NCOA2: variants seen among roughly 807,000 people sequenced by gnomAD.
NCOA2 encodes class E basic helix-loop-helix protein 75.
NCOA2 carries 21 observed loss-of-function variants against 145.1 expected under a neutral mutation model. That is an observed-to-expected ratio of 0.14 (90% CI 0.10 to 0.21). The LOEUF (loss-of-function observed/expected upper bound fraction) is 0.21, where lower values mean the gene tolerates loss of function less well. Ranked by LOEUF, NCOA2 falls within the 10% of genes least tolerant of loss-of-function variation. NCOA2 has a pLI of 1.00. For missense variants in NCOA2, 1,472 were observed against 1,837.6 expected, an observed-to-expected ratio of 0.80 and a Z score of 3.64; for synonymous variants, 619 against 637.5, an observed-to-expected ratio of 0.97 and a Z score of 0.44.
chr8:70,402,625 C>T (rs1283119428), intron 1 of NCOA2: 3 of 151,928 alleles, frequency 2.0e-5, no homozygotes, highest in Non-Finnish European at 4.4e-5. Context: ...GCCGGGTCCC[C>T]GTGCCCGGGG....
intron 1 of NCOA2, among the ~76,000 whole-genome samples, chr8:70,338,854 G>A (rs980602411): frequency 6.6e-6 from 1 of 151,960 alleles, no homozygotes; most frequent in Non-Finnish European, 1.5e-5. Context: ...AAAAACACAT[G>A]ATTATCTCAA....
chr8:70,341,907 T>A (rs1259289625), intron 1 of NCOA2, among the ~76,000 whole-genome samples: 2 of 152,226 alleles, frequency 1.3e-5, no homozygotes, highest in Non-Finnish European at 2.9e-5. Context: ...AAATGCCATA[T>A]TCCATACAAA....
At chr8:70,160,169 C>T (rs1470105215) in intron 9 of NCOA2, among the ~76,000 whole-genome samples, 3 of 152,122 alleles carry the variant, frequency 2.0e-5, no homozygotes, top group Non-Finnish European at 4.4e-5. Flanking sequence ...ACACTACTCT[C>T]CCCCAGTCCT....
intron 11 of NCOA2, among the ~76,000 whole-genome samples, 183 bp downstream of exon 11, chr8:70,155,788 A>T (rs1376022148): frequency 1.3e-5 from 2 of 152,212 alleles, no homozygotes; most frequent in Non-Finnish European, 2.9e-5. Flanking sequence ...TATGTTCTAT[A>T]ACAATGTCAC....
intron 1 of NCOA2, among the ~76,000 whole-genome samples, chr8:70,317,337 A>G (rs1805672837): frequency 6.6e-6 from 1 of 152,164 alleles, no homozygotes; most frequent in Non-Finnish European, 1.5e-5. Flanking sequence ...GACATGAAAA[A>G]ATAAGACTGT....
chr8:70,212,668 A>T (rs991473800), intron 4 of NCOA2, among the ~76,000 whole-genome samples: 24 of 152,246 alleles, frequency 1.6e-4, no homozygotes, highest in African/African-American at 4.3e-4. Context: ...AGATAAGAGC[A>T]GACAGTTTCA....
chr8:70,133,071 G>GGTGT (rs148660851), intron 15 of NCOA2, among the ~76,000 whole-genome samples: 5,634 of 148,774 alleles, frequency 0.038, 165 homozygotes, highest in South Asian at 0.087. Context: ...GTAGAGGAGG[G>GGTGT]GTGTGTGTGT....
At chr8:70,420,520 G>A in the NCOA2 span, among the ~76,000 whole-genome samples, 39 of 152,308 alleles carry the variant, frequency 2.6e-4, no homozygotes, top group East Asian at 5.8e-4. Flanking sequence ...AAAATAAAGC[G>A]AGGTCTCTAA....
At chr8:70,284,742 C>T (rs369768611) in intron 2 of NCOA2, among the ~76,000 whole-genome samples, 2 of 151,978 alleles carry the variant, frequency 1.3e-5, no homozygotes, top group South Asian at 2.1e-4. Flanking sequence ...GGGATTTCAA[C>T]GTATCATGAG....
chr8:70,412,575 G>C, the NCOA2 span, among the ~76,000 whole-genome samples: 3 of 145,470 alleles, frequency 2.1e-5, no homozygotes, highest in Non-Finnish European at 4.5e-5. Flanking sequence ...TTGAACCAAG[G>C]AGGCAGAGGT....
chr8:70,284,083 C>T (rs1006884374), intron 2 of NCOA2, among the ~76,000 whole-genome samples: 1 of 152,132 alleles, frequency 6.6e-6, no homozygotes, highest in African/African-American at 2.4e-5. Context: ...AATGACAACA[C>T]CCCTTGAAAA....
the NCOA2 span, among the ~76,000 whole-genome samples, chr8:70,433,092 CAAT>C: frequency 3.9e-5 from 6 of 152,064 alleles, no homozygotes; most frequent in Non-Finnish European, 7.4e-5. Flanking sequence ...TCAATTTCCT[CAAT>C]AAGTAAGTCA....
intron 4 of NCOA2, among the ~76,000 whole-genome samples, chr8:70,187,684 G>T (rs953994722): frequency 5.9e-5 from 9 of 152,078 alleles, no homozygotes; most frequent in East Asian, 1.9e-4. Context: ...ATATGAAAAA[G>T]ACATGGTAAT....
chr8:70,354,167 T>C (rs1323378443), intron 1 of NCOA2, among the ~76,000 whole-genome samples: 1 of 152,206 alleles, frequency 6.6e-6, no homozygotes, highest in Non-Finnish European at 1.5e-5. Flanking sequence ...ATGTATGTCA[T>C]TCTTATCTTT....
chr8:70,405,614 C>T (rs546983866), upstream of NCOA2, among the ~76,000 whole-genome samples: 272 of 151,034 alleles, frequency 1.8e-3, no homozygotes, highest in African/African-American at 6.4e-3. Context: ...TCTGAACTCC[C>T]GATTTGCTTT....
chr8:70,386,107 C>T (rs1812638021), intron 1 of NCOA2, among the ~76,000 whole-genome samples: 2 of 152,122 alleles, frequency 1.3e-5, no homozygotes, highest in African/African-American at 2.4e-5. Context: ...ATTCCATGAC[C>T]CTCTGTGCTT....
chr8:70,153,278 T>C (rs1399445816), intron 11 of NCOA2, among the ~76,000 whole-genome samples: 1 of 152,226 alleles, frequency 6.6e-6, no homozygotes. Context: ...CACTGCTTTT[T>C]GATTCACCCC....
chr8:70,378,875 A>C (rs1412384714), intron 1 of NCOA2, among the ~76,000 whole-genome samples: 1 of 152,108 alleles, frequency 6.6e-6, no homozygotes, highest in African/African-American at 2.4e-5. Flanking sequence ...CACTGTTGTC[A>C]GTGCCTCATT....
At chr8:70,141,073 G>A in intron 14 of NCOA2, 111 bp downstream of exon 14, 2 of 1,055,252 alleles carry the variant, frequency 1.9e-6, no homozygotes, top group Non-Finnish European at 2.8e-6. Flanking sequence ...GCAGCTTCAT[G>A]GGAGGATTAT....
Sources: gnomAD v4.1 joint callset for allele counts (sites outside exome capture counted in the v4.1 genomes callset) on GRCh38, gnomAD v4.1.1 for gene constraint, MANE v1.5 for transcripts, NCBI Gene and HGNC (gene_info 2026-07-23, HGNC 2026-07-21) for gene names.